Variants in KCND2 observed in about 807,000 individuals in gnomAD.
KCND2 encodes the protein potassium voltage-gated channel subfamily D member 2, also known as A-type voltage-gated potassium channel KCND2.
Under a neutral mutation model 54.4 loss-of-function variants are expected in KCND2, and 16 were observed. The ratio of observed to expected loss-of-function variants is 0.29; its 90% CI spans 0.20 to 0.45. The LOEUF is 0.45. KCND2 is among the 20% of genes least tolerant of loss of function. The pLI, the probability that KCND2 is intolerant of heterozygous loss-of-function variation, is 1.00. For missense variants in KCND2, 486 were observed against 824.2 expected, an observed-to-expected ratio of 0.59 and a Z score of 5.02; for synonymous variants, 317 against 310.7, an observed-to-expected ratio of 1.02 and a Z score of -0.21.
intron 1 of KCND2, among the ~76,000 whole-genome samples, chr7:120,363,128 T>C (rs546632169): frequency 3.7e-4 from 57 of 152,162 alleles, no homozygotes; most frequent in Non-Finnish European, 6.6e-4. Context: ...CTGTGAGACC[T>C]TGTCTCTACA....
chr7:120,495,914 C>T (rs1802840701), intron 1 of KCND2, among the ~76,000 whole-genome samples: 1 of 151,846 alleles, frequency 6.6e-6, no homozygotes, highest in South Asian at 2.1e-4. Context: ...GGCCACATTC[C>T]GGGGACCAGT....
intron 1 of KCND2, among the ~76,000 whole-genome samples, chr7:120,662,795 A>G (rs1285356699): frequency 6.6e-6 from 1 of 152,212 alleles, no homozygotes; most frequent in African/African-American, 2.4e-5. Context: ...GATGGAGTAA[A>G]GATCTGTGCC....
At chr7:120,652,417 A>G (rs764132243) in intron 1 of KCND2, among the ~76,000 whole-genome samples, 1 of 152,180 alleles carries the variant, frequency 6.6e-6, no homozygotes, top group Non-Finnish European at 1.5e-5. Flanking sequence ...TAGGAACAAG[A>G]AAAACTGAAG....
chr7:120,346,592 AC>A (rs1309270308), intron 1 of KCND2, among the ~76,000 whole-genome samples: 2 of 152,018 alleles, frequency 1.3e-5, no homozygotes, highest in African/African-American at 4.8e-5. Flanking sequence ...AAATGAGAAA[AC>A]TGTATATTTA....
intron 3 of KCND2, 186 bp from the exon 4 acceptor site, chr7:120,742,324 C>T (rs1318459381): frequency 3.3e-6 from 2 of 601,656 alleles, no homozygotes; most frequent in South Asian, 3.7e-5. Flanking sequence ...CCAGACCATT[C>T]ATTTGATGAA....
chr7:120,535,150 C>T (rs1791889636), intron 1 of KCND2, among the ~76,000 whole-genome samples: 1 of 152,112 alleles, frequency 6.6e-6, no homozygotes, highest in Non-Finnish European at 1.5e-5. Context: ...TAGATGTCTT[C>T]ATTCTGCTAC....
At chr7:120,551,784 A>G (rs1240012033) in intron 1 of KCND2, among the ~76,000 whole-genome samples, 1 of 152,198 alleles carries the variant, frequency 6.6e-6, no homozygotes, top group Non-Finnish European at 1.5e-5. Context: ...CTAGTCATTC[A>G]TCCATCTAAT....
At chr7:120,501,963 A>G (rs2116318036) in intron 1 of KCND2, among the ~76,000 whole-genome samples, 1 of 152,264 alleles carries the variant, frequency 6.6e-6, no homozygotes, top group Admixed American at 6.6e-5. Context: ...GCATAGACAC[A>G]GAAAAACAAT....
intron 1 of KCND2, among the ~76,000 whole-genome samples, chr7:120,563,399 C>A (rs746776992): frequency 9.9e-5 from 15 of 152,248 alleles, no homozygotes; most frequent in Non-Finnish European, 1.5e-4. Context: ...GCATAAATCA[C>A]TACTCCCATT....
In KCND2 at chr7:120,518,914, A is replaced by G. The variant is rs1054450089; in HGVS notation, c.1116-213989A>G. Among the ~76,000 whole-genome samples the G allele has an allele frequency of 2.0e-5, 3 of 152,166 alleles. No individual in the cohort carries two copies. The South Asian group carries it at 6.2e-4, about 32-fold the overall frequency. On this transcript the variant is annotated intron_variant, in intron 1 of 5. Coordinates refer to ENST00000331113, the MANE Select transcript of KCND2 (RefSeq NM_012281.3). ...CCAATATAATCACATGAGCTTTCAA[A>G]AGCAGAGACCTTTCTATGAAGAAGA...
At chr7:120,601,020 T>G (rs964867603) in intron 1 of KCND2, among the ~76,000 whole-genome samples, 1 of 152,106 alleles carries the variant, frequency 6.6e-6, no homozygotes, top group Non-Finnish European at 1.5e-5. Flanking sequence ...ATCTGATGAG[T>G]CAGATAATAT....
intron 1 of KCND2, among the ~76,000 whole-genome samples, chr7:120,704,775 C>G (rs1016214939): frequency 3.3e-5 from 5 of 152,020 alleles, no homozygotes; most frequent in Admixed American, 2.0e-4. Flanking sequence ...TTGGAGCAAC[C>G]CTGTGTAAAT....
At chr7:120,738,182 T>C (rs1157871174) in intron 2 of KCND2, among the ~76,000 whole-genome samples, 1 of 152,072 alleles carries the variant, frequency 6.6e-6, no homozygotes. Flanking sequence ...AATTTGCAGA[T>C]TATATATCCC....
At position 120,560,066 on chromosome 7, in the gene KCND2, G is replaced by T. The variant is rs914170054; in HGVS notation, c.1116-172837G>T. 2.0e-5 allele frequency among the ~76,000 whole-genome samples: 3 copies of T among 152,126 alleles called. No homozygotes were observed. The East Asian group carries it at 5.8e-4, about 29-fold the overall frequency. ...TCTCTACTGAAATCATAATGTGAAT[G>T]TTTTTCATAAAATAATAATTTTAAG... On this transcript the variant is annotated intron_variant, in intron 1 of 5. Transcript: ENST00000331113.
intron 1 of KCND2, among the ~76,000 whole-genome samples, chr7:120,287,201 A>G (rs1014317004): frequency 6.6e-6 from 1 of 152,108 alleles, no homozygotes; most frequent in Non-Finnish European, 1.5e-5. Flanking sequence ...AAATTTTTAT[A>G]AAGCAAAGTG....
At position 120,323,664 on chromosome 7, in the gene KCND2, T is replaced by G. The variant is rs1179285578; in HGVS notation, c.1115+47917T>G. Among the ~76,000 whole-genome samples the G allele has an allele frequency of 2.8e-5, 4 of 143,498 alleles. No homozygotes were observed. In the South Asian group the frequency reaches 7.2e-4, roughly 26 times the overall value. 94.1% of individuals were successfully genotyped at this position (143,498 alleles called of 152,430 possible). A position where few individuals can be genotyped will look rare whatever the true frequency, so the allele number is the denominator to read the frequency against. On this transcript the variant is annotated intron_variant, in intron 1 of 5. Coordinates refer to ENST00000331113, the MANE Select transcript of KCND2 (RefSeq NM_012281.3). ...TATGGCTGCATAGTATTCCATGGTG[T>G]ATATGTGCCACATTTTCTTAATCCA...
chr7:120,369,683 A>G (rs1800739131), intron 1 of KCND2, among the ~76,000 whole-genome samples: 1 of 151,964 alleles, frequency 6.6e-6, no homozygotes, highest in Non-Finnish European at 1.5e-5. Flanking sequence ...TTAGATGTTA[A>G]CTTTCCATAA....
At chr7:120,706,499 T>A (rs1178169203) in intron 1 of KCND2, among the ~76,000 whole-genome samples, 2 of 152,180 alleles carry the variant, frequency 1.3e-5, no homozygotes, top group Non-Finnish European at 2.9e-5. Flanking sequence ...GCTAGCCAAA[T>A]GCTGCATGCA....
intron 1 of KCND2, among the ~76,000 whole-genome samples, chr7:120,343,271 A>G (rs186595299): frequency 2.0e-5 from 3 of 152,224 alleles, no homozygotes; most frequent in Non-Finnish European, 2.9e-5. Flanking sequence ...TTATGGATGA[A>G]CTAGCTAGTC....
Sources: allele counts gnomAD v4.1 joint callset (sites outside exome capture counted in the v4.1 genomes callset), GRCh38; gene constraint gnomAD v4.1.1; transcripts MANE v1.5; gene names NCBI Gene and HGNC (gene_info 2026-07-23, HGNC 2026-07-21).